Variants in KIAA2012 observed in about 807,000 individuals in gnomAD.
KIAA2012 encodes the protein uncharacterized protein KIAA2012.
In KIAA2012, 125 loss-of-function variants were observed where a neutral mutation model predicts 150.6. The observed-to-expected ratio is 0.83, with a 90% confidence interval of 0.72 to 0.96. The LOEUF (loss-of-function observed/expected upper bound fraction) is 0.96. KIAA2012 is among the 40% of genes least tolerant of loss of function. KIAA2012 has a pLI of 0.00. For missense variants in KIAA2012, 1,219 were observed against 1,354.9 expected, an observed-to-expected ratio of 0.90 and a Z score of 1.57; for synonymous variants, 462 against 504.7, an observed-to-expected ratio of 0.92 and a Z score of 1.13.
Position 202,093,129 on chromosome 2 carries a change from A to G in KIAA2012, c.629A>G (p.His210Arg), listed in dbSNP as rs1689772745. 6.4e-7 allele frequency: 1 copy of G among 1,551,136 alleles called. No individual in the cohort carries two copies. The highest frequency in any genetic ancestry group is 8.7e-7 in the Non-Finnish European group (1 of 1,147,100). ...QDLSGVPPKYHLLPVFPSFWI... is the reference protein window; with the variant it reads ...QDLSGVPPKYRLLPVFPSFWI... The stretch of plus-strand genomic sequence containing the variant: ...CTTTCAGGTGTACCCCCAAAATACC[A>G]TCTCCTGCCTGTCTTCCCTTCATTT... Residue 210 changes from histidine to arginine, a missense_variant, in exon 4 of 24, where the codon CAT becomes CGT. His to Arg is a conservative substitution (Grantham distance 29). Transcript: ENST00000498697.
At chr2:202,141,820 C>G (rs1201540916) in intron 13 of KIAA2012, among the ~76,000 whole-genome samples, 3 of 152,118 alleles carry the variant, frequency 2.0e-5, no homozygotes, top group African/African-American at 7.2e-5. Flanking sequence ...CCCAAGGCCT[C>G]TCTGTGTAGA....
At chr2:202,121,280 C>T (rs1359286789) in intron 11 of KIAA2012, among the ~76,000 whole-genome samples, 1 of 151,776 alleles carries the variant, frequency 6.6e-6, no homozygotes, top group Non-Finnish European at 1.5e-5. Context: ...AAATGTTTAT[C>T]TTTTTGCGTC....
At chr2:202,083,456 G>A (rs1689496181) in intron 2 of KIAA2012, among the ~76,000 whole-genome samples, 2 of 145,270 alleles carry the variant, frequency 1.4e-5, no homozygotes, top group African/African-American at 5.0e-5. Flanking sequence ...CAGGTGCAAC[G>A]ACAATGATCA....
At chr2:202,132,625 G>T (rs1275424326) in intron 12 of KIAA2012, among the ~76,000 whole-genome samples, 1 of 150,506 alleles carries the variant, frequency 6.6e-6, no homozygotes, top group Admixed American at 6.7e-5. Context: ...AGTGAGCCAA[G>T]GTTGTGCCAC....
At chr2:202,195,612 C>A (rs1692399475) in intron 21 of KIAA2012, among the ~76,000 whole-genome samples, 1 of 152,080 alleles carries the variant, frequency 6.6e-6, no homozygotes, top group Non-Finnish European at 1.5e-5. Flanking sequence ...CTATAGAACA[C>A]TAGAACTTAC....
chr2:202,197,125 C>T (rs1692431050), intron 22 of KIAA2012, 106 bp downstream of exon 22: 5 of 1,499,896 alleles, frequency 3.3e-6, no homozygotes, highest in Admixed American at 2.2e-5. Flanking sequence ...AAAGTCCCCC[C>T]ACCCCCAGCA....
intron 2 of KIAA2012, chr2:202,076,808 G>A (rs1242186017): frequency 2.7e-6 from 1 of 369,492 alleles, no homozygotes; most frequent in Non-Finnish European, 5.4e-6. Context: ...TGGTCATTGT[G>A]CTGGTCATGG....
At chr2:202,171,109 T>G (rs1691877428) in intron 15 of KIAA2012, among the ~76,000 whole-genome samples, 1 of 63,360 alleles carries the variant, frequency 1.6e-5, no homozygotes, top group African/African-American at 7.0e-5. Context: ...TTTAAAGAAA[T>G]ACTACACACA....
At chr2:202,120,181 C>T (rs1030085872) in intron 11 of KIAA2012, among the ~76,000 whole-genome samples, 7 of 152,152 alleles carry the variant, frequency 4.6e-5, no homozygotes, top group Non-Finnish European at 1.0e-4. Flanking sequence ...CAGACTAATA[C>T]ACTGTGCAAC....
chr2:202,141,578 A>G (rs1691198086), intron 13 of KIAA2012, among the ~76,000 whole-genome samples: 1 of 152,264 alleles, frequency 6.6e-6, no homozygotes, highest in African/African-American at 2.4e-5. Context: ...CATATGGAAC[A>G]TTGCCAGAGC....
At chr2:202,194,484 A>G (rs1692377585) in intron 21 of KIAA2012, 122 bp downstream of exon 21, 13 of 1,040,458 alleles carry the variant, frequency 1.2e-5, no homozygotes, top group Middle Eastern at 3.2e-4. Flanking sequence ...TCTAAATAAT[A>G]TAAACTATTT....
intron 1 of KIAA2012, 36 bp downstream of exon 1, chr2:202,073,747 G>A (rs1478065813): frequency 6.5e-7 from 1 of 1,527,408 alleles, no homozygotes. Flanking sequence ...ACATTTTGGA[G>A]GTGGGAGAGG....
intron 4 of KIAA2012, among the ~76,000 whole-genome samples, chr2:202,095,340 C>A (rs1035243577): frequency 1.3e-5 from 2 of 152,218 alleles, no homozygotes; most frequent in African/African-American, 2.4e-5. Flanking sequence ...TAGCAAAAGT[C>A]CCAGCTGCAA....
At chr2:202,196,167 GTTTCT>G (rs1186993610) in intron 21 of KIAA2012, among the ~76,000 whole-genome samples, 1 of 100,440 alleles carries the variant, frequency 1.0e-5, no homozygotes, top group East Asian at 2.7e-4. Context: ...GAAGCACCAA[GTTTCT>G]TTTCTTTTCT....
intron 15 of KIAA2012, among the ~76,000 whole-genome samples, chr2:202,168,769 A>C (rs1691825624): frequency 6.6e-6 from 1 of 152,066 alleles, no homozygotes; most frequent in African/African-American, 2.4e-5. Context: ...TCTTAGGAGG[A>C]GTGAGAGATT....
At chr2:202,073,894 C>T (rs182551306) in intron 1 of KIAA2012, among the ~76,000 whole-genome samples, 183 bp downstream of exon 1, 4 of 151,888 alleles carry the variant, frequency 2.6e-5, no homozygotes, top group East Asian at 3.9e-4. Context: ...CCTGACACAC[C>T]GAGATTGCCC....
Position 202,205,146 on chromosome 2 carries a change from T to C in KIAA2012, c.*169T>C, listed in dbSNP as rs1319592759. ...CTAACCAGATAAGCACACATTTAAG[T>C]TAACCATATCAGAGTGCAATGCATT... On this transcript the variant is annotated 3_prime_UTR_variant, in exon 24 of 24. Transcript: ENST00000498697. 6.6e-6 allele frequency: 1 copy of C among 152,222 alleles called. No homozygotes were observed. The highest frequency in any genetic ancestry group is 1.9e-4 in the East Asian group (1 of 5,202). 9.4% of individuals were successfully genotyped at this position (152,222 alleles called of 1,614,324 possible). A position where few individuals can be genotyped will look rare whatever the true frequency, so the allele number is the denominator to read the frequency against.
At chr2:202,106,556 G>A (rs1205191819) in intron 9 of KIAA2012, among the ~76,000 whole-genome samples, 3 of 152,056 alleles carry the variant, frequency 2.0e-5, no homozygotes, top group Non-Finnish European at 2.9e-5. Flanking sequence ...GCATGGTGGT[G>A]CACACCTGTA....
intron 1 of KIAA2012, among the ~76,000 whole-genome samples, 198 bp from the exon 2 acceptor site, chr2:202,074,693 A>G (rs1344528689): frequency 6.6e-6 from 1 of 152,218 alleles, no homozygotes. Context: ...AAATAGAACC[A>G]TGCCCTGGGT....
Sources: allele counts gnomAD v4.1 joint callset (sites outside exome capture counted in the v4.1 genomes callset), GRCh38; gene constraint gnomAD v4.1.1; transcripts MANE v1.5; gene names NCBI Gene and HGNC (gene_info 2026-07-23, HGNC 2026-07-21).